FHIP1B: variants seen among roughly 807,000 people sequenced by gnomAD.
FHIP1B encodes the protein FHF complex subunit HOOK-interacting protein 1B.
In FHIP1B, 28 loss-of-function variants were observed where a neutral mutation model predicts 82.2. The observed-to-expected ratio is 0.34, with a 90% CI of 0.25 to 0.47. FHIP1B has a LOEUF of 0.47. Among genes scored for constraint, FHIP1B ranks in the 20% least tolerant of loss-of-function variants. The pLI, the probability that FHIP1B is intolerant of heterozygous loss-of-function variation, is 1.00. For missense variants in FHIP1B, 1,110 were observed against 1,262.6 expected (o/e 0.88, Z 1.83); for synonymous variants, 585 against 516.1 (o/e 1.13, Z -1.81).
intron 6 of FHIP1B, 104 bp from the exon 7 acceptor site, chr11:6,219,154 CACTCCTAGAGGA>C: frequency 7.4e-6 from 6 of 806,542 alleles, no homozygotes; most frequent in Non-Finnish European, 1.1e-5. Flanking sequence ...CCCAACCAAC[CACTCCTAGAGGA>C]ACTCCTAGAG....
Position 6,223,871 on chromosome 11 carries a change from C to A in FHIP1B, c.516G>T (p.Leu172=). 1.2e-6 allele frequency: 2 copies of A among 1,614,242 alleles called. No individual in the cohort carries two copies. Among genetic ancestry groups the A allele is most frequent in the Non-Finnish European group, 1.7e-6 (2 of 1,180,040 alleles). Residue 172 remains leucine (L), a synonymous_variant, in exon 3 of 12, where the codon CTG becomes CTT. Transcript: ENST00000449352. The surrounding 1 kb of genome is among the most constrained non-coding windows in gnomAD (Gnocchi z 4.8). ...CGRPVPSSPA[L]DEGLVLLLSQ... is the part of the protein sequence containing the mutation. ...TGAGAAGTAGCACCAAGCCTTCATC[C>A]AGTGCTGGGCTACTGGGCACAGGGC...
Position 6,224,419 on chromosome 11 carries a change from G to A in FHIP1B, c.98C>T (p.Pro33Leu). The A allele has an allele frequency of 1.6e-5, 26 of 1,614,156 alleles. No individual in the cohort carries two copies. The highest frequency in any genetic ancestry group is 2.2e-5 in the Non-Finnish European group (26 of 1,180,018). ...CTTGAAGACCATGAGGCAGGTCTCG[G>A]GATCAGCCATGACTGGGGTTTGGAG... ...ANLQTPVMAD[P>L]ETCLMVFKNH... The change falls in exon 2 of 12, where the codon CCC becomes CTC. Residue 33 changes from proline to leucine, a missense_variant. Pro to Leu is a moderately conservative substitution (Grantham distance 98). Coordinates refer to ENST00000449352, the MANE Select transcript of FHIP1B (RefSeq NM_001098794.2).
At position 6,223,947 on chromosome 11, in the gene FHIP1B, C is replaced by T. The variant is rs748629267; in HGVS notation, c.440G>A (p.Arg147Gln). The change falls in exon 3 of 12, where the codon CGG becomes CAG. Residue 147 changes from arginine to glutamine, a missense_variant. Physicochemically the swap from Arg to Gln is conservative, Grantham distance 43. Transcript: ENST00000449352. The surrounding 1 kb of genome is among the most constrained non-coding windows in gnomAD (Gnocchi z 4.8). ...CAGAGCCTCACGAACTGGACCATGC[C>T]GCAACAGTGGCTGGCGAGCTTCGCT... ...LVSEARQPLLRHGPVREALLT... is the reference protein window; with the variant it reads ...LVSEARQPLLQHGPVREALLT... The T allele has an allele frequency of 1.4e-5, 22 of 1,614,070 alleles. No individual in the cohort carries two copies. The highest frequency in any genetic ancestry group is 4.5e-5 in the East Asian group (2 of 44,892).
At chr11:6,221,057 G>A (rs1847391721) in intron 6 of FHIP1B, among the ~76,000 whole-genome samples, 1 of 152,174 alleles carries the variant, frequency 6.6e-6, no homozygotes, top group African/African-American at 2.4e-5. Flanking sequence ...CACGAAATCT[G>A]AGGTAGAGCT....
chr11:6,214,923 G>A lies in FHIP1B; in HGVS notation c.2216-12C>T, dbSNP rs777922968. 2.6e-6 allele frequency: 4 copies of A among 1,539,886 alleles called. No homozygotes were observed. The highest frequency in any genetic ancestry group is 4.0e-5 in the Admixed American group (2 of 49,570). The stretch of plus-strand genomic sequence containing the variant: ...AGCCATGAAGGGGCCTGGGTTGGGG[G>A]GGAGGTGGGCACAAGGATACAAAGC... On this transcript the variant is annotated splice_polypyrimidine_tract_variant and intron_variant, in intron 9 of 11. Transcript: ENST00000449352.
At chr11:6,227,224 C>T (rs181062447) in intron 1 of FHIP1B, among the ~76,000 whole-genome samples, 47 of 152,314 alleles carry the variant, frequency 3.1e-4, no homozygotes, top group Admixed American at 1.5e-3. Flanking sequence ...CAGCACTACA[C>T]GAAGTAGCTA....
intron 9 of FHIP1B, chr11:6,215,503 T>C (rs956465468): frequency 6.6e-6 from 1 of 152,204 alleles, no homozygotes; most frequent in African/African-American, 2.4e-5. Flanking sequence ...GAAAGAAAGC[T>C]AGAAGATGGT....
intron 6 of FHIP1B, among the ~76,000 whole-genome samples, chr11:6,220,578 T>C (rs1847379423): frequency 6.6e-6 from 1 of 152,150 alleles, no homozygotes; most frequent in Admixed American, 6.5e-5. Context: ...AGAATCAAGC[T>C]TGAAAGGACC....
At chr11:6,233,602 T>A (rs1847758640) in intron 1 of FHIP1B, among the ~76,000 whole-genome samples, 1 of 152,220 alleles carries the variant, frequency 6.6e-6, no homozygotes, top group Non-Finnish European at 1.5e-5. Flanking sequence ...ACTAGCTTTT[T>A]AAAAAATTCA....
Position 6,218,745 on chromosome 11 carries a change from G to T in FHIP1B, c.1290C>A (p.Asn430Lys). The T allele has an allele frequency of 6.2e-7, 1 of 1,614,134 alleles. No homozygotes were observed. The change falls in exon 8 of 12, where the codon AAC becomes AAA. Residue 430 changes from asparagine (N) to lysine (K), a missense_variant. Asn to Lys is a moderately conservative substitution (Grantham distance 94). Coordinates refer to ENST00000449352, the MANE Select transcript of FHIP1B (RefSeq NM_001098794.2). ...CCGGCTTCTGGCTCAGCATAACGTG[G>T]TTACATGGAACAAGATACCTGAGAA... ...QLVLRYLVPC[N>K]HVMLSQKPAV... is the part of the protein sequence containing the mutation.
chr11:6,221,818 G>A (rs746546692), intron 6 of FHIP1B, among the ~76,000 whole-genome samples: 5 of 152,084 alleles, frequency 3.3e-5, no homozygotes, highest in African/African-American at 9.7e-5. Flanking sequence ...ACTTATTAAT[G>A]TGTTTGCTTG....
In FHIP1B at chr11:6,223,633, C is replaced by T. The variant is rs200122900; in HGVS notation, c.754G>A (p.Ala252Thr). The change falls in exon 3 of 12, where the codon GCG (alanine) becomes ACG (threonine). Residue 252 changes from alanine to threonine, a missense_variant. Transcript: ENST00000449352. This position sits in a 1 kb window ranked among gnomAD's most constrained non-coding sequence, Gnocchi z 4.8. ...ACCGGGCAGAAGTAAGAGTGATCCG[C>T]GATGTAGCGGCCCACAGTGGGGCTC... ...AGSPTVGRYI[A>T]DHSYFCPVLA... 5.6e-6 allele frequency: 9 copies of T among 1,602,024 alleles called. No individual in the cohort carries two copies. The highest frequency in any genetic ancestry group is 1.7e-4 in the Middle Eastern group (1 of 6,010).
chr11:6,229,559 T>A (rs1847645774), intron 1 of FHIP1B, among the ~76,000 whole-genome samples: 1 of 152,202 alleles, frequency 6.6e-6, no homozygotes, highest in Non-Finnish European at 1.5e-5. Flanking sequence ...CAGTAAGGTC[T>A]TAACATGTCC....
chr11:6,224,459 G>T lies in FHIP1B; in HGVS notation c.58C>A (p.Pro20Thr). ...LASRGPGHRIPQGANLQTPVM... is the reference protein window; with the variant it reads ...LASRGPGHRITQGANLQTPVM... ...GGGGTTTGGAGATTGGCCCCTTGAG[G>T]TATACGGTGCCCAGGGCCCCGGGAG... Residue 20 changes from proline (P) to threonine (T), a missense_variant, in exon 2 of 12, where the codon CCT becomes ACT. Transcript: ENST00000449352. 2 of 1,613,942 alleles carry T rather than the reference G, an allele frequency of 1.2e-6. No homozygotes were observed. Among genetic ancestry groups the T allele is most frequent in the East Asian group, 2.2e-5 (1 of 44,844 alleles).
intron 1 of FHIP1B, among the ~76,000 whole-genome samples, chr11:6,233,243 C>T (rs1847746757): frequency 6.6e-6 from 1 of 152,232 alleles, no homozygotes. Flanking sequence ...AATGGTCTCT[C>T]CCTGTCCACT....
chr11:6,217,240 C>T, intron 9 of FHIP1B, 131 bp downstream of exon 9: 1 of 795,532 alleles, frequency 1.3e-6, no homozygotes, highest in Non-Finnish European at 2.1e-6. Context: ...GGAAGTGATG[C>T]AAGCAGGATG....
Position 6,224,437 on chromosome 11 carries a change from G to C in FHIP1B, c.80C>G (p.Thr27Ser), listed in dbSNP as rs1158378907. The change falls in exon 2 of 12, where the codon ACC becomes AGC. Residue 27 changes from threonine (T) to serine (S), a missense_variant. Coordinates refer to ENST00000449352, the MANE Select transcript of FHIP1B (RefSeq NM_001098794.2). The part of the protein sequence containing the change: ...HRIPQGANLQ[T>S]PVMADPETCL... ...GGTCTCGGGATCAGCCATGACTGGG[G>C]TTTGGAGATTGGCCCCTTGAGGTAT... 3.7e-6 allele frequency: 6 copies of C among 1,614,036 alleles called. No individual in the cohort carries two copies. In the Admixed American group the frequency reaches 1.0e-4, roughly 27 times the overall value.
At position 6,214,538 on chromosome 11, in the gene FHIP1B, A is replaced by G. The variant is rs776986122; in HGVS notation, c.2430T>C (p.Phe810=). The G allele has an allele frequency of 2.5e-6, 4 of 1,613,786 alleles. No homozygotes were observed. The highest frequency in any genetic ancestry group is 1.3e-5 in the African/African-American group (1 of 74,930). The change falls in exon 11 of 12, where the codon TTT becomes TTC. Residue 810 remains phenylalanine (F), a synonymous_variant. Coordinates refer to ENST00000449352, the MANE Select transcript of FHIP1B (RefSeq NM_001098794.2). ...LGSVKNKIEN[F]AASQEDFPAL... ...CTGGGAAGTCCTCCTGGGAAGCCGC[A>G]AAGTTCTCAATCTTATTCTTCACAG...
chr11:6,222,650 C>T (rs749232370), intron 5 of FHIP1B, 41 bp from the exon 6 acceptor site: 17 of 1,605,526 alleles, frequency 1.1e-5, no homozygotes, highest in Non-Finnish European at 1.4e-5. Context: ...GCACAGCTTC[C>T]CTGCACATAC....
Sources: allele counts gnomAD v4.1 joint callset (sites outside exome capture counted in the v4.1 genomes callset), GRCh38; gene constraint gnomAD v4.1.1; non-coding constraint Gnocchi (gnomAD v3.1); transcripts MANE v1.5; gene names NCBI Gene and HGNC (gene_info 2026-07-23, HGNC 2026-07-21).